BHLHE22: variants seen among roughly 807,000 people sequenced by gnomAD.
BHLHE22 encodes basic helix-loop-helix family member e22, also known as class E basic helix-loop-helix protein 22.
A neutral mutation model predicts 17.6 loss-of-function variants in BHLHE22; 8 were observed. The ratio of observed to expected loss-of-function variants is 0.45; its 90% CI spans 0.27 to 0.82. BHLHE22 has a LOEUF of 0.82. Among genes scored for constraint, BHLHE22 ranks in the 40% least tolerant of loss-of-function variants. BHLHE22 has a pLI of 0.16. For missense variants in BHLHE22, 570 were observed against 581.5 expected, an observed-to-expected ratio of 0.98 and a Z score of 0.20; for synonymous variants, 353 against 282.7, an observed-to-expected ratio of 1.25 and a Z score of -2.49.
chr8:64,583,159 T>C lies in BHLHE22; in HGVS notation c.*1223T>C, dbSNP rs990289247. 1 of 167,064 alleles carries C rather than the reference T, an allele frequency of 6.0e-6. No homozygotes were observed. The highest frequency in any genetic ancestry group is 2.4e-5 in the African/African-American group (1 of 41,448). 10.3% of individuals were successfully genotyped at this position (167,064 alleles called of 1,614,324 possible). A position where few individuals can be genotyped will look rare whatever the true frequency, so the allele number is the denominator to read the frequency against. On this transcript the variant is annotated 3_prime_UTR_variant, in exon 1 of 1. Transcript: ENST00000321870. ...GCTGTGCATTTTTAAAAGGTCTAAT[T>C]TAATTGCTTTTAATATATATGTACA...
rs1375441519 is a variant in BHLHE22, at chr8:64,581,143, G to C, written c.353G>C (p.Ser118Thr). Residue 118 changes from serine (S) to threonine (T), a missense_variant, in exon 1 of 1, where the codon AGC (serine) becomes ACC (threonine). Ser to Thr is a moderately conservative substitution (Grantham distance 58, BLOSUM62 1). Coordinates refer to ENST00000321870, the MANE Select transcript of BHLHE22 (RefSeq NM_152414.5). This position sits in a 1 kb window ranked among gnomAD's most constrained non-coding sequence, Gnocchi z 6.4. ...AGVGGDPSLS[S>T]LPAGAALCLK... ...GTTGGGGGCGACCCTAGCCTAAGCAGCCTGCCGGCCGGGGCCGCCCTTTGC... is the reference window on the plus strand; with the variant it reads ...GTTGGGGGCGACCCTAGCCTAAGCACCCTGCCGGCCGGGGCCGCCCTTTGC... 7.1e-7 allele frequency: 1 copy of C among 1,408,196 alleles called. No individual in the cohort carries two copies. The highest frequency in any genetic ancestry group is 2.8e-5 in the East Asian group (1 of 35,390). 87.2% of individuals were successfully genotyped at this position (1,408,196 alleles called of 1,614,324 possible).
chr8:64,581,857 C>T lies in BHLHE22; in HGVS notation c.1067C>T (p.Ala356Val). 1.2e-6 allele frequency: 2 copies of T among 1,608,192 alleles called. No individual in the cohort carries two copies. Among genetic ancestry groups the T allele is most frequent in the Non-Finnish European group, 1.7e-6 (2 of 1,179,416 alleles). Reference sequence around the variant, plus strand: ...CCGTTCAGCGCCGGACTGCCCCCGGCTGCCTCCTGCCCGGAGAAGTGCGCC... The same window carrying T: ...CCGTTCAGCGCCGGACTGCCCCCGGTTGCCTCCTGCCCGGAGAAGTGCGCC... ...GYPFSAGLPP[A>V]ASCPEKCALF... is the part of the protein sequence containing the mutation. The change falls in exon 1 of 1, where the codon GCT becomes GTT. Residue 356 changes from alanine (A) to valine (V), a missense_variant. Physicochemically the swap from Ala to Val is moderately conservative, Grantham distance 64. Around this residue, in one of 3 missense-constraint regions of BHLHE22, gnomAD observed 111 missense variants for 122.0 expected, o/e 0.91. Coordinates refer to ENST00000321870, the MANE Select transcript of BHLHE22 (RefSeq NM_152414.5). This position sits in a 1 kb window ranked among gnomAD's most constrained non-coding sequence, Gnocchi z 6.4.
In BHLHE22 at chr8:64,580,848, C is replaced by T; in HGVS notation, c.58C>T (p.His20Tyr). Residue 20 changes from histidine to tyrosine, a missense_variant, in exon 1 of 1, where the codon CAC becomes TAC. Coordinates refer to ENST00000321870, the MANE Select transcript of BHLHE22 (RefSeq NM_152414.5). ...AAAGEDDLFL[H>Y]KSLSASTSKR... ...CGCCGGCGAGGACGACCTCTTCCTG[C>T]ACAAGAGCCTGAGCGCCTCCACCTC... is the stretch of plus-strand genomic sequence containing the variant. The T allele has an allele frequency of 6.7e-7, 1 of 1,498,542 alleles. No individual in the cohort carries two copies. The highest frequency in any genetic ancestry group is 8.8e-7 in the Non-Finnish European group (1 of 1,132,478). 92.8% of individuals were successfully genotyped at this position (1,498,542 alleles called of 1,614,324 possible).
Position 64,581,523 on chromosome 8 carries a change from C to T in BHLHE22, c.733C>T (p.Leu245Phe). Residue 245 changes from leucine to phenylalanine, a missense_variant, in exon 1 of 1, where the codon CTT becomes TTT. Transcript: ENST00000321870. The surrounding 1 kb of genome is among the most constrained non-coding windows in gnomAD (Gnocchi z 6.4). ...KKSKEQKALR[L>F]NINARERRRM... is the part of the protein sequence containing the mutation. ...ATCCAAAGAGCAAAAGGCGCTGCGG[C>T]TTAACATCAATGCCCGAGAGCGCCG... The T allele has an allele frequency of 6.2e-7, 1 of 1,605,922 alleles. No individual in the cohort carries two copies. The highest frequency in any genetic ancestry group is 8.5e-7 in the Non-Finnish European group (1 of 1,178,732).
In BHLHE22 at chr8:64,581,092, C is replaced by G; in HGVS notation, c.302C>G (p.Pro101Arg). The G allele has an allele frequency of 7.5e-7, 1 of 1,326,548 alleles. No individual in the cohort carries two copies. Among genetic ancestry groups the G allele is most frequent in the East Asian group, 3.1e-5 (1 of 32,414 alleles). The allele number at this position is 1,326,548 out of a possible 1,614,324, so 82.2% of individuals were successfully genotyped here. ...GGCGGCGGCGGCGGGGTGGGTGTCC[C>G]CGGGCTGCTAGTAGGTTCAGCCGGC... ...GGGGGGGVGVPGLLVGSAGVG... is the reference protein window; with the variant it reads ...GGGGGGGVGVRGLLVGSAGVG... The change falls in exon 1 of 1, where the codon CCC becomes CGC. Residue 101 changes from proline to arginine, a missense_variant. Pro to Arg is a moderately radical substitution (Grantham distance 103). This residue lies in a region of BHLHE22 where 427 missense variants were observed against 376.2 expected (regional missense o/e 1.14). Transcript: ENST00000321870. This position sits in a 1 kb window ranked among gnomAD's most constrained non-coding sequence, Gnocchi z 6.4.
In BHLHE22 at chr8:64,581,234, C is replaced by A. The variant is rs769104108; in HGVS notation, c.444C>A (p.Pro148=). The change falls in exon 1 of 1, where the codon CCC becomes CCA. Residue 148 remains proline (P), a synonymous_variant. Transcript: ENST00000321870. This position sits in a 1 kb window ranked among gnomAD's most constrained non-coding sequence, Gnocchi z 6.4. ...VAESSGGEQS[P]DDDSDGRCEL... ...AGAGCAGCGGCGGCGAGCAGAGCCC[C>A]GACGACGACAGCGACGGTCGCTGCG... 27 of 1,455,062 alleles carry A rather than the reference C, an allele frequency of 1.9e-5. 1 individual carries two copies. The highest frequency in any genetic ancestry group is 3.8e-4 in the Middle Eastern group (2 of 5,300). The allele number at this position is 1,455,062 out of a possible 1,614,324, so 90.1% of individuals were successfully genotyped here.
Position 64,582,369 on chromosome 8 carries a change from G to A in BHLHE22, c.*433G>A, listed in dbSNP as rs1348050404. On this transcript the variant is annotated 3_prime_UTR_variant, in exon 1 of 1. Transcript: ENST00000321870. ...GGCTAGTGCTGAGGGGGAGAGGAGGGGTTAGGGGTTGGGTAGCATGAGAGA... is the reference window on the plus strand; with the variant it reads ...GGCTAGTGCTGAGGGGGAGAGGAGGAGTTAGGGGTTGGGTAGCATGAGAGA... The A allele has an allele frequency of 4.9e-6, 1 of 206,120 alleles. No homozygotes were observed. Among genetic ancestry groups the A allele is most frequent in the East Asian group, 1.8e-4 (1 of 5,414 alleles). The allele number at this position is 206,120 out of a possible 1,614,324, so 12.8% of individuals were successfully genotyped here.
Position 64,581,291 on chromosome 8 carries a change from G to A in BHLHE22, c.501G>A (p.Pro167=). Residue 167 remains proline (P), a synonymous_variant, in exon 1 of 1, where the codon CCG becomes CCA. Coordinates refer to ENST00000321870, the MANE Select transcript of BHLHE22 (RefSeq NM_152414.5). This position sits in a 1 kb window ranked among gnomAD's most constrained non-coding sequence, Gnocchi z 6.4. ...ELVLRAGVAD[P]RASPGAGGGG... Reference sequence around the variant, plus strand: ...TGCTGCGGGCCGGAGTAGCCGACCCGCGGGCCTCCCCGGGAGCGGGAGGTG... The same window carrying A: ...TGCTGCGGGCCGGAGTAGCCGACCCACGGGCCTCCCCGGGAGCGGGAGGTG... 2.8e-6 allele frequency: 4 copies of A among 1,432,082 alleles called. No homozygotes were observed. The highest frequency in any genetic ancestry group is 1.5e-5 in the South Asian group (1 of 66,976). 88.7% of individuals were successfully genotyped at this position (1,432,082 alleles called of 1,614,324 possible).
rs1019002891 is a variant in BHLHE22 at position 64,581,996 on chromosome 8, C to T, written c.*60C>T. The T allele has an allele frequency of 6.4e-7, 1 of 1,556,676 alleles. No homozygotes were observed. Among genetic ancestry groups the T allele is most frequent in the Admixed American group, 2.0e-5 (1 of 50,146 alleles). On this transcript the variant is annotated 3_prime_UTR_variant, in exon 1 of 1. Transcript: ENST00000321870. This position sits in a 1 kb window ranked among gnomAD's most constrained non-coding sequence, Gnocchi z 6.4. ...TCTAGAGGAAAGCGAAAAGCTGCTC[C>T]CCACCCCCTTTATTTTGGTCCTCTC...
Position 64,582,014 on chromosome 8 carries a change from G to T in BHLHE22, c.*78G>T. The T allele has an allele frequency of 6.0e-6, 9 of 1,509,722 alleles. No individual in the cohort carries two copies. The South Asian group carries it at 1.1e-4, about 19-fold the overall frequency. The allele number at this position is 1,509,722 out of a possible 1,614,324, so 93.5% of individuals were successfully genotyped here. A position where few individuals can be genotyped will look rare whatever the true frequency, so the allele number is the denominator to read the frequency against. On this transcript the variant is annotated 3_prime_UTR_variant, in exon 1 of 1. Coordinates refer to ENST00000321870, the MANE Select transcript of BHLHE22 (RefSeq NM_152414.5). ...GCTGCTCCCCACCCCCTTTATTTTG[G>T]TCCTCTCGTAGTTGTGAAACACTTG...
Position 64,580,736 on chromosome 8 carries a change from G to A in BHLHE22, c.-55G>A, listed in dbSNP as rs35315475. On this transcript the variant is annotated 5_prime_UTR_variant, in exon 1 of 1. Coordinates refer to ENST00000321870, the MANE Select transcript of BHLHE22 (RefSeq NM_152414.5). ...TGGGGCCGCCTGACTCCGGGGCCGA[G>A]GCGGCGGCGGCGGCAGCGGGCGCGG... 1 of 970,724 alleles carries A rather than the reference G, an allele frequency of 1.0e-6. No homozygotes were observed. The allele number at this position is 970,724 out of a possible 1,614,324, so 60.1% of individuals were successfully genotyped here. A position where few individuals can be genotyped will look rare whatever the true frequency, so the allele number is the denominator to read the frequency against.
In BHLHE22 at chr8:64,581,679, G is replaced by T; in HGVS notation, c.889G>T (p.Ala297Ser). 6.2e-7 allele frequency: 1 copy of T among 1,612,200 alleles called. No individual in the cohort carries two copies. The highest frequency in any genetic ancestry group is 8.5e-7 in the Non-Finnish European group (1 of 1,179,578). Residue 297 changes from alanine to serine, a missense_variant, in exon 1 of 1, where the codon GCG becomes TCG. Transcript: ENST00000321870. This position sits in a 1 kb window ranked among gnomAD's most constrained non-coding sequence, Gnocchi z 6.4. ...CGCCAAGAACTACATCCTCATGCAGGCGCAGGCCCTGGAGGAGATGCGGCG... is the reference window on the plus strand; with the variant it reads ...CGCCAAGAACTACATCCTCATGCAGTCGCAGGCCCTGGAGGAGATGCGGCG... ...LLAKNYILMQ[A>S]QALEEMRRLV...
rs1457820799 is a variant in BHLHE22, at chr8:64,581,465, C to T, written c.675C>T (p.Gly225=). The T allele has an allele frequency of 6.8e-7, 1 of 1,460,612 alleles. No homozygotes were observed. Among genetic ancestry groups the T allele is most frequent in the African/African-American group, 1.5e-5 (1 of 66,628 alleles). The allele number at this position is 1,460,612 out of a possible 1,614,324, so 90.5% of individuals were successfully genotyped here. ...GGGGSGSGSG[G]SSSSSSSSSK... Reference sequence around the variant, plus strand: ...GCGGTAGCGGTAGCGGCAGCGGCGGCAGCAGCAGCAGCAGCAGCAGCAGCA... The same window carrying T: ...GCGGTAGCGGTAGCGGCAGCGGCGGTAGCAGCAGCAGCAGCAGCAGCAGCA... The change falls in exon 1 of 1, where the codon GGC becomes GGT. Residue 225 remains glycine (G), a synonymous_variant. Transcript: ENST00000321870. The surrounding 1 kb of genome is among the most constrained non-coding windows in gnomAD (Gnocchi z 6.4).
In BHLHE22 at chr8:64,581,441, CGGT is replaced by C. The variant is rs1804897743; in HGVS notation, c.652_654del (p.Gly218del). The C allele has an allele frequency of 6.5e-7, 1 of 1,534,812 alleles. No homozygotes were observed. Among genetic ancestry groups the C allele is most frequent in the African/African-American group, 1.4e-5 (1 of 71,958 alleles). The stretch of plus-strand genomic sequence containing the variant: ...GCAGCGGTAGCAGTGGCGGCGGTGG[CGGT>C]AGCGGTAGCGGCAGCGGCGGCAGCA... On this transcript the variant is annotated inframe_deletion, in exon 1 of 1. Coordinates refer to ENST00000321870, the MANE Select transcript of BHLHE22 (RefSeq NM_152414.5). The surrounding 1 kb of genome is among the most constrained non-coding windows in gnomAD (Gnocchi z 6.4).
Position 64,581,885 on chromosome 8 carries a change from G to A in BHLHE22, c.1095G>A (p.Leu365=). ...PAASCPEKCA[L]FNSVSSSLCK... Reference sequence around the variant, plus strand: ...CCTCCTGCCCGGAGAAGTGCGCCCTGTTTAACAGCGTCTCCTCCAGCCTCT... The same window carrying A: ...CCTCCTGCCCGGAGAAGTGCGCCCTATTTAACAGCGTCTCCTCCAGCCTCT... The change falls in exon 1 of 1, where the codon CTG becomes CTA. Residue 365 remains leucine, a synonymous_variant. Coordinates refer to ENST00000321870, the MANE Select transcript of BHLHE22 (RefSeq NM_152414.5). This position sits in a 1 kb window ranked among gnomAD's most constrained non-coding sequence, Gnocchi z 6.4. The A allele has an allele frequency of 6.2e-7, 1 of 1,610,252 alleles. No individual in the cohort carries two copies.
chr8:64,581,826 G>C lies in BHLHE22; in HGVS notation c.1036G>C (p.Gly346Arg). 6.2e-7 allele frequency: 1 copy of C among 1,602,370 alleles called. No homozygotes were observed. The highest frequency in any genetic ancestry group is 2.2e-5 in the East Asian group (1 of 44,450). The change falls in exon 1 of 1, where the codon GGC (glycine) becomes CGC (arginine). Residue 346 changes from glycine to arginine, a missense_variant. Physicochemically the swap from Gly to Arg is moderately radical, Grantham distance 125. Transcript: ENST00000321870. The surrounding 1 kb of genome is among the most constrained non-coding windows in gnomAD (Gnocchi z 6.4). ...PALGAYEQAA[G>R]YPFSAGLPPA... ...GCTCGGCGCCTACGAGCAGGCAGCC[G>C]GCTACCCGTTCAGCGCCGGACTGCC...
Position 64,580,553 on chromosome 8 carries a change from A to G in BHLHE22, c.-238A>G, listed in dbSNP as rs886160240. The G allele has an allele frequency of 5.6e-4, 87 of 155,998 alleles. 1 individual carries two copies. Among genetic ancestry groups the G allele is most frequent in the Non-Finnish European group, 7.7e-4 (55 of 71,800 alleles). 9.7% of individuals were successfully genotyped at this position (155,998 alleles called of 1,614,324 possible). ...GGGGCCGCGGCCCATGGTGAGCCCC[A>G]GCAGCCAGCACCATCGGCTGGAGAC... On this transcript the variant is annotated 5_prime_UTR_variant, in exon 1 of 1. Transcript: ENST00000321870.
chr8:64,581,454 GGCAGCGGCGGCAGCA>G lies in BHLHE22; in HGVS notation c.670_684del (p.Gly224_Ser228del). ...TGGCGGCGGTGGCGGTAGCGGTAGC[GGCAGCGGCGGCAGCA>G]GCAGCAGCAGCAGCAGCAGCAGCAA... On this transcript the variant is annotated inframe_deletion, in exon 1 of 1. Coordinates refer to ENST00000321870, the MANE Select transcript of BHLHE22 (RefSeq NM_152414.5). This position sits in a 1 kb window ranked among gnomAD's most constrained non-coding sequence, Gnocchi z 6.4. 1 of 1,537,990 alleles carries G rather than the reference GGCAGCGGCGGCAGCA, an allele frequency of 6.5e-7. No homozygotes were observed. The highest frequency in any genetic ancestry group is 8.7e-7 in the Non-Finnish European group (1 of 1,147,520).
chr8:64,582,098 T>C lies in BHLHE22; in HGVS notation c.*162T>C, dbSNP rs1585787641. ...GAAGTATCAGAGACAAACGGGACTTTTAGCCTTGACATCCCCAGAATCTCG... is the reference window on the plus strand; with the variant it reads ...GAAGTATCAGAGACAAACGGGACTTCTAGCCTTGACATCCCCAGAATCTCG... On this transcript the variant is annotated 3_prime_UTR_variant, in exon 1 of 1. Coordinates refer to ENST00000321870, the MANE Select transcript of BHLHE22 (RefSeq NM_152414.5). The C allele has an allele frequency of 1.2e-6, 1 of 864,778 alleles. No homozygotes were observed. The highest frequency in any genetic ancestry group is 2.9e-5 in the East Asian group (1 of 34,338). 53.6% of individuals were successfully genotyped at this position (864,778 alleles called of 1,614,324 possible).
Sources: gnomAD v4.1 joint callset for allele counts on GRCh38, gnomAD v4.1.1 for gene constraint, gnomAD v4.1.1 regional missense constraint, Gnocchi (gnomAD v3.1) non-coding constraint, MANE v1.5 for transcripts, NCBI Gene and HGNC (gene_info 2026-07-23, HGNC 2026-07-21) for gene names.